The following NLGN4X variants were observed in gnomAD, a reference collection of about 807,000 sequenced individuals.
NLGN4X encodes the protein neuroligin-4, X-linked.
In NLGN4X, 3 loss-of-function variants were observed where a neutral mutation model predicts 40.3. That is an observed-to-expected ratio of 0.07 (90% confidence interval 0.03 to 0.19). NLGN4X has a LOEUF of 0.19. Among genes scored for constraint, NLGN4X ranks in the 10% least tolerant of loss-of-function variants. NLGN4X has a pLI of 1.00. For missense variants in NLGN4X, 382 were observed against 708.3 expected (o/e 0.54, Z 5.23); for synonymous variants, 270 against 306.8 (o/e 0.88, Z 1.25).
intron 1 of NLGN4X, among the ~76,000 whole-genome samples, chrX:6,179,697 AT>A (rs1921221486): frequency 9.0e-6 from 1 of 111,662 alleles, no homozygotes; most frequent in African/African-American, 3.3e-5. Context: ...AGTAGCGACC[AT>A]TTGCCACCTG....
intron 5 of NLGN4X, among the ~76,000 whole-genome samples, chrX:5,902,389 C>T (rs954256759): frequency 1.8e-5 from 2 of 110,859 alleles, no homozygotes; most frequent in Non-Finnish European, 3.8e-5. Flanking sequence ...TGGTGGTGCA[C>T]GCCTGTAGTC....
chrX:5,959,190 T>C (rs1265701482), intron 3 of NLGN4X, among the ~76,000 whole-genome samples: 1 of 111,689 alleles, frequency 9.0e-6, no homozygotes, highest in African/African-American at 3.3e-5. Context: ...ACAAAACAAG[T>C]GGTGTTCTTT....
intron 2 of NLGN4X, among the ~76,000 whole-genome samples, chrX:6,039,091 C>T (rs959784891): frequency 1.9e-4 from 21 of 111,098 alleles, no homozygotes; most frequent in Admixed American, 1.8e-3. Flanking sequence ...TACTATTCCT[C>T]ATACATAGAG....
At chrX:5,938,630 C>A (rs949371363) in intron 3 of NLGN4X, among the ~76,000 whole-genome samples, 1 of 108,366 alleles carries the variant, frequency 9.2e-6, no homozygotes, top group Non-Finnish European at 1.9e-5. Context: ...GTTAACTCAA[C>A]GGTCAAGAAG....
intron 1 of NLGN4X, among the ~76,000 whole-genome samples, chrX:6,186,075 T>C (rs1921985275): frequency 8.9e-6 from 1 of 112,688 alleles, no homozygotes; most frequent in African/African-American, 3.2e-5. Flanking sequence ...AATGCTAATG[T>C]ATTACATATT....
chrX:6,007,695 T>C (rs1462918156), intron 3 of NLGN4X, among the ~76,000 whole-genome samples: 2 of 111,765 alleles, frequency 1.8e-5, no homozygotes, highest in Non-Finnish European at 3.8e-5. Flanking sequence ...GTTCTGACCA[T>C]ATGACAAATG....
chrX:5,899,845 G>A (rs2031743651), intron 5 of NLGN4X, among the ~76,000 whole-genome samples: 1 of 111,515 alleles, frequency 9.0e-6, no homozygotes, highest in African/African-American at 3.3e-5. Flanking sequence ...AATGATTCTA[G>A]CTTTCCACTT....
At chrX:6,182,912 G>A (rs1921619780) in intron 1 of NLGN4X, among the ~76,000 whole-genome samples, 1 of 112,253 alleles carries the variant, frequency 8.9e-6, no homozygotes, top group Non-Finnish European at 1.9e-5. Flanking sequence ...CATTAAGTTT[G>A]TGATTATGTG....
intron 2 of NLGN4X, among the ~76,000 whole-genome samples, chrX:6,049,064 G>A (rs1221799416): frequency 1.9e-5 from 2 of 102,863 alleles, no homozygotes; most frequent in African/African-American, 7.1e-5. Flanking sequence ...CATTATTTTT[G>A]CATATAGATA....
At chrX:6,044,106 A>AAAATAAATAAATATATAAATAAAT (rs2037249214) in intron 2 of NLGN4X, among the ~76,000 whole-genome samples, 1 of 96,415 alleles carries the variant, frequency 1.0e-5, no homozygotes, top group Admixed American at 1.2e-4. Flanking sequence ...GTTTCTATTA[A>AAAATAAATAAATATATAAATAAAT]AAATAAATAA....
At chrX:6,030,633 C>T (rs1190731585) in intron 2 of NLGN4X, among the ~76,000 whole-genome samples, 2 of 110,566 alleles carry the variant, frequency 1.8e-5, no homozygotes, top group African/African-American at 6.6e-5. Flanking sequence ...TGGGTGCATA[C>T]AGAAGACACG....
intron 1 of NLGN4X, among the ~76,000 whole-genome samples, chrX:6,203,840 C>A (rs1923824137): frequency 8.9e-6 from 1 of 112,552 alleles, no homozygotes; most frequent in African/African-American, 3.2e-5. Context: ...CAGTTTTAAC[C>A]TAAGGTTTAG....
At chrX:5,968,485 G>GTGTGTC (rs1311248157) in intron 3 of NLGN4X, among the ~76,000 whole-genome samples, 1 of 85,172 alleles carries the variant, frequency 1.2e-5, no homozygotes, top group Non-Finnish European at 2.3e-5. Flanking sequence ...GTGTGTGTGT[G>GTGTGTC]TGTGTGTGTG....
intron 2 of NLGN4X, among the ~76,000 whole-genome samples, chrX:6,093,696 A>G (rs1221925761): frequency 9.0e-6 from 1 of 111,708 alleles, no homozygotes; most frequent in Non-Finnish European, 1.9e-5. Flanking sequence ...ACTAAAGGTG[A>G]AAATATAAAA....
intron 2 of NLGN4X, among the ~76,000 whole-genome samples, chrX:6,083,315 C>T (rs1193981344): frequency 2.7e-5 from 3 of 111,139 alleles, no homozygotes; most frequent in Non-Finnish European, 3.8e-5. Flanking sequence ...CTCTTTGCCC[C>T]TGTGCCATTT....
chrX:5,972,153 A>G (rs1198777513), intron 3 of NLGN4X, among the ~76,000 whole-genome samples: 5 of 109,527 alleles, frequency 4.6e-5, no homozygotes, highest in Non-Finnish European at 7.6e-5. Context: ...ACATATGTAT[A>G]TGTGTGTGTG....
rs141720696 is a variant in NLGN4X, at chrX:6,151,276, T to A, written c.191A>T (p.Asn64Ile). The change falls in exon 2 of 6, where the codon AAT (asparagine) becomes ATT (isoleucine). Residue 64 changes from asparagine (N) to isoleucine (I), a missense_variant. By Grantham distance (149) the Asn-to-Ile change is moderately radical. Around this residue, in one of 5 missense-constraint regions of NLGN4X, gnomAD observed 115 missense variants for 149.6 expected, o/e 0.77. Transcript: ENST00000381095. ...CTGCTCCACTGGACCCAAGATCTCA[T>A]TGGGTAACGGTGTTCTTAGGCCCCG... ...KIRGLRTPLPNEILGPVEQYL... is the reference protein window; with the variant it reads ...KIRGLRTPLPIEILGPVEQYL... The A allele has an allele frequency of 8.3e-7, 1 of 1,211,584 alleles. No homozygotes were observed. The highest frequency in any genetic ancestry group is 1.1e-6 in the Non-Finnish European group (1 of 895,454).
At chrX:6,049,312 T>C (rs1490739718) in intron 2 of NLGN4X, among the ~76,000 whole-genome samples, 3 of 90,950 alleles carry the variant, frequency 3.3e-5, no homozygotes, top group Non-Finnish European at 2.2e-5. Flanking sequence ...GCTCTGATCC[T>C]GTTTTCCTTT....
chrX:5,947,430 C>T (rs778624557), intron 3 of NLGN4X, among the ~76,000 whole-genome samples: 2 of 111,896 alleles, frequency 1.8e-5, no homozygotes, highest in African/African-American at 3.2e-5. Flanking sequence ...GTTCAAAATG[C>T]ACGCAAGGTC....
Sources: gnomAD v4.1 joint callset for allele counts (sites outside exome capture counted in the v4.1 genomes callset) on GRCh38, gnomAD v4.1.1 for gene constraint, gnomAD v4.1.1 regional missense constraint, MANE v1.5 for transcripts, NCBI Gene and HGNC (gene_info 2026-07-23, HGNC 2026-07-21) for gene names.